Variants in MN1 observed in about 807,000 individuals in gnomAD.
MN1 encodes MN1 proto-oncogene, transcriptional regulator.
Under a neutral mutation model 86.9 loss-of-function variants are expected in MN1, and 19 were observed. The ratio of observed to expected loss-of-function variants is 0.22; its 90% CI spans 0.15 to 0.32. The LOEUF is 0.32. Among genes scored for constraint, MN1 ranks in the 10% least tolerant of loss-of-function variants. MN1 has a pLI of 1.00. For synonymous variants in MN1, 928 were observed against 849.6 expected, an observed-to-expected ratio of 1.09 and a Z score of -1.60; for missense variants, 1,841 against 1,862.0, an observed-to-expected ratio of 0.99 and a Z score of 0.21.
chr22:27,801,073 G>A lies in MN1; in HGVS notation c.-530C>T, dbSNP rs1690373452. ...GGCTGGCGCCGGGCACCGACAGAGC[G>A]GTCCCTCCCCCCGCCCCCCGGAGTC... On this transcript the variant is annotated 5_prime_UTR_variant, in exon 1 of 2. Transcript: ENST00000302326. The A allele has an allele frequency of 4.2e-6, 1 of 236,014 alleles. No individual in the cohort carries two copies. The highest frequency in any genetic ancestry group is 8.4e-6 in the Non-Finnish European group (1 of 119,436). 14.6% of individuals were successfully genotyped at this position (236,014 alleles called of 1,614,324 possible).
chr22:27,789,002 CT>C (rs765380303), intron 1 of MN1, among the ~76,000 whole-genome samples: 1 of 152,194 alleles, frequency 6.6e-6, no homozygotes, highest in Non-Finnish European at 1.5e-5. Context: ...AAAAAAACTA[CT>C]TTTAAATCCT....
chr22:27,790,368 C>T (rs1005090813), intron 1 of MN1, among the ~76,000 whole-genome samples: 4 of 152,222 alleles, frequency 2.6e-5, no homozygotes, highest in Non-Finnish European at 5.9e-5. Context: ...GCTGTCCTGT[C>T]ATCGGAAGAT....
rs1932719896 is a variant in MN1, at chr22:27,748,529, T to C, written c.*2386A>G. The C allele has an allele frequency of 4.9e-6, 1 of 203,586 alleles. No homozygotes were observed. Among genetic ancestry groups the C allele is most frequent in the Non-Finnish European group, 1.0e-5 (1 of 98,964 alleles). The allele number at this position is 203,586 out of a possible 1,614,324, so 12.6% of individuals were successfully genotyped here. On this transcript the variant is annotated 3_prime_UTR_variant, in exon 2 of 2. Transcript: ENST00000302326. The stretch of plus-strand genomic sequence containing the variant: ...CAGAGTTAAGTTTTCATATTTTACA[T>C]GTGCAATAACATTTTCGTTTTCTTT...
intron 1 of MN1, among the ~76,000 whole-genome samples, chr22:27,785,522 A>G (rs1254099591): frequency 6.6e-6 from 1 of 152,180 alleles, no homozygotes; most frequent in Non-Finnish European, 1.5e-5. Context: ...TCGATTCCCA[A>G]AATAACTACT....
chr22:27,784,428 T>C (rs1263551173), intron 1 of MN1, among the ~76,000 whole-genome samples: 1 of 152,090 alleles, frequency 6.6e-6, no homozygotes, highest in Admixed American at 6.5e-5. Flanking sequence ...CGCTACACAA[T>C]CTAATGTCAA....
chr22:27,779,149 G>A (rs1933018803), intron 1 of MN1, among the ~76,000 whole-genome samples: 1 of 152,152 alleles, frequency 6.6e-6, no homozygotes, highest in African/African-American at 2.4e-5. Context: ...CATGATGAAT[G>A]CTGTCTCTGG....
chr22:27,758,697 A>G (rs1401198767), intron 1 of MN1, among the ~76,000 whole-genome samples: 3 of 152,200 alleles, frequency 2.0e-5, no homozygotes, highest in Non-Finnish European at 2.9e-5. Flanking sequence ...TCTCTGTGAA[A>G]TGGGAAGAAG....
chr22:27,757,573 A>C (rs1278686252), intron 1 of MN1, among the ~76,000 whole-genome samples: 1 of 151,982 alleles, frequency 6.6e-6, no homozygotes, highest in Non-Finnish European at 1.5e-5. Flanking sequence ...CGCCCAACTC[A>C]CCCTCGCTGG....
chr22:27,791,795 C>G (rs1933214333), intron 1 of MN1: 1 of 152,188 alleles, frequency 6.6e-6, no homozygotes, highest in Non-Finnish European at 1.5e-5. Flanking sequence ...TGATCACTCC[C>G]TGGGCAAAGA....
Position 27,750,978 on chromosome 22 carries a change from G to T in MN1, c.3900C>A (p.Thr1300=), listed in dbSNP as rs761209142. ...GDAKARASVP[T]WRSLHSDISN... is the part of the protein sequence containing the mutation. ...AGATGTCAGAATGCAGGGACCGCCA[G>T]GTGGGCACGGAGGCTCGAGCCTTGG... The change falls in exon 2 of 2, where the codon ACC becomes ACA. Residue 1300 remains threonine (T), a synonymous_variant. Coordinates refer to ENST00000302326, the MANE Select transcript of MN1 (RefSeq NM_002430.3). The T allele has an allele frequency of 3.1e-6, 5 of 1,612,892 alleles. No individual in the cohort carries two copies. The Admixed American group carries it at 5.0e-5, about 16-fold the overall frequency.
chr22:27,800,692 A>T lies in MN1; in HGVS notation c.-149T>A. On this transcript the variant is annotated 5_prime_UTR_variant, in exon 1 of 2. Coordinates refer to ENST00000302326, the MANE Select transcript of MN1 (RefSeq NM_002430.3). The stretch of plus-strand genomic sequence containing the variant: ...TCAGCGCGCACCTCCACCCCGCCTG[A>T]TGTGAGGGACGGGGGGCGGGGTATT... 1 of 964,330 alleles carries T rather than the reference A, an allele frequency of 1.0e-6. No individual in the cohort carries two copies. Among genetic ancestry groups the T allele is most frequent in the Non-Finnish European group, 1.5e-6 (1 of 653,422 alleles). 59.7% of individuals were successfully genotyped at this position (964,330 alleles called of 1,614,324 possible).
chr22:27,757,282 A>G (rs927806785), intron 1 of MN1, among the ~76,000 whole-genome samples: 2 of 152,036 alleles, frequency 1.3e-5, no homozygotes, highest in African/African-American at 4.8e-5. Context: ...TGATCTGCCC[A>G]CCTTGGCCTC....
intron 1 of MN1, among the ~76,000 whole-genome samples, chr22:27,789,119 C>T (rs1432837975): frequency 6.6e-6 from 1 of 152,188 alleles, no homozygotes; most frequent in Non-Finnish European, 1.5e-5. Flanking sequence ...CAAAGTTAGT[C>T]CACGTTTCCT....
At chr22:27,791,088 T>G (rs1291603865) in intron 1 of MN1, among the ~76,000 whole-genome samples, 1 of 151,982 alleles carries the variant, frequency 6.6e-6, no homozygotes, top group African/African-American at 2.4e-5. Context: ...GCCATGCATA[T>G]GTATATATGC....
At chr22:27,790,136 G>C (rs1289986275) in intron 1 of MN1, among the ~76,000 whole-genome samples, 1 of 152,216 alleles carries the variant, frequency 6.6e-6, no homozygotes, top group Non-Finnish European at 1.5e-5. Context: ...TAAAATGAAG[G>C]CCGGCACACA....
At chr22:27,765,066 G>A (rs1932859197) in intron 1 of MN1, among the ~76,000 whole-genome samples, 1 of 152,200 alleles carries the variant, frequency 6.6e-6, no homozygotes, top group Admixed American at 6.5e-5. Flanking sequence ...CCCAGTCAAG[G>A]TAACACATAA....
At position 27,798,909 on chromosome 22, in the gene MN1, C is replaced by G; in HGVS notation, c.1635G>C (p.Gln545His). ...CGTTTTGGCGCTGCTGCTGCTGCTG[C>G]TGTTGCTGTTGCTGTTGCTGCTGCT... ...QQQQQQQQQQ[Q>H]QQQQQRQNAA... The change falls in exon 1 of 2, where the codon CAG (glutamine) becomes CAC (histidine). Residue 545 changes from glutamine (Q) to histidine (H), a missense_variant. Physicochemically the swap from Gln to His is conservative, Grantham distance 24 (BLOSUM62 0). Transcript: ENST00000302326. 1 of 1,450,190 alleles carries G rather than the reference C, an allele frequency of 6.9e-7. No individual in the cohort carries two copies. Among genetic ancestry groups the G allele is most frequent in the Middle Eastern group, 1.9e-4 (1 of 5,268 alleles). The allele number at this position is 1,450,190 out of a possible 1,614,324, so 89.8% of individuals were successfully genotyped here. A position where few individuals can be genotyped will look rare whatever the true frequency, so the allele number is the denominator to read the frequency against.
chr22:27,772,119 CCT>C (rs1173845272), intron 1 of MN1, among the ~76,000 whole-genome samples: 14 of 152,188 alleles, frequency 9.2e-5, no homozygotes, highest in Non-Finnish European at 2.9e-5. Flanking sequence ...CCTAGTCCTC[CCT>C]GTCTTGGGGA....
intron 1 of MN1, among the ~76,000 whole-genome samples, chr22:27,761,386 TTC>T (rs1282427456): frequency 6.6e-6 from 1 of 150,468 alleles, no homozygotes; most frequent in South Asian, 2.1e-4. Flanking sequence ...TTCTTCTTAT[TTC>T]TCTCTCTCTT....
Sources: allele counts gnomAD v4.1 joint callset (sites outside exome capture counted in the v4.1 genomes callset), GRCh38; gene constraint gnomAD v4.1.1; transcripts MANE v1.5; gene names NCBI Gene and HGNC (gene_info 2026-07-23, HGNC 2026-07-21).